Variants in CSMD2 observed in about 807,000 individuals in gnomAD.
The protein encoded by CSMD2 is CUB and Sushi multiple domains 2.
A neutral mutation model predicts 398.5 loss-of-function variants in CSMD2; 130 were observed. The observed-to-expected ratio is 0.33, with a 90% confidence interval of 0.28 to 0.38. The LOEUF is 0.38. Ranked by LOEUF, CSMD2 falls within the 10% of genes least tolerant of loss-of-function variation. The probability of loss-of-function intolerance (pLI) is 1.00; values close to 1 mark genes in which losing one functional copy is unlikely to be tolerated. For missense variants in CSMD2, 3,829 were observed against 4,764.9 expected (o/e 0.80, Z 5.78); for synonymous variants, 1,828 against 1,908.5 (o/e 0.96, Z 1.10).
chr1:34,146,978 C>T (rs547519963), intron 1 of CSMD2, among the ~76,000 whole-genome samples: 1 of 152,274 alleles, frequency 6.6e-6, no homozygotes, highest in East Asian at 1.9e-4. Flanking sequence ...AAGGATAAGG[C>T]CTGGCGCGGT....
chr1:33,695,098 C>T lies in CSMD2; in HGVS notation c.3926-2042G>A, dbSNP rs76272987. Among the ~76,000 whole-genome samples the T allele has an allele frequency of 5.9e-5, 9 of 152,102 alleles. No individual in the cohort carries two copies. The East Asian group carries it at 9.7e-4, about 16-fold the overall frequency. On this transcript the variant is annotated intron_variant, in intron 24 of 70. Transcript: ENST00000373381. ...AAGGAGAAGCAAGAGTTGACCAGGT[C>T]GGTTGGGTGGCAAGGGTAGGATGGG... is the stretch of plus-strand genomic sequence containing the variant.
chr1:34,097,393 A>C (rs1659444515), intron 1 of CSMD2, among the ~76,000 whole-genome samples: 1 of 112,062 alleles, frequency 8.9e-6, no homozygotes, highest in African/African-American at 3.6e-5. Flanking sequence ...AATGGCAACA[A>C]AAGACAAAAT....
At chr1:33,539,674 A>T (rs1045062635) in intron 60 of CSMD2, among the ~76,000 whole-genome samples, 1 of 152,056 alleles carries the variant, frequency 6.6e-6, no homozygotes, top group African/African-American at 2.4e-5. Context: ...AATGGGTAAA[A>T]TTTTTTTCAT....
intron 4 of CSMD2, among the ~76,000 whole-genome samples, chr1:33,919,809 G>T (rs1257839048): frequency 6.6e-6 from 1 of 151,426 alleles, no homozygotes; most frequent in Non-Finnish European, 1.5e-5. Context: ...CAGAATTTGT[G>T]TTAATATATT....
At chr1:33,948,117 T>C (rs1644894213) in intron 3 of CSMD2, among the ~76,000 whole-genome samples, 1 of 152,214 alleles carries the variant, frequency 6.6e-6, no homozygotes, top group Admixed American at 6.5e-5. Flanking sequence ...AGATGGTACT[T>C]GGTGAACATT....
chr1:33,985,175 T>G (rs1025639), intron 3 of CSMD2, among the ~76,000 whole-genome samples: 4,278 of 152,240 alleles, frequency 0.028, 168 homozygotes, highest in African/African-American at 0.085. Flanking sequence ...CCTGGAGGGA[T>G]GGAGCCCTGG....
intron 55 of CSMD2, among the ~76,000 whole-genome samples, chr1:33,554,351 G>A (rs553261251): frequency 1.1e-3 from 164 of 151,938 alleles, no homozygotes; most frequent in African/African-American, 3.5e-3. Context: ...ACACCACCAC[G>A]CCTGGCTAAT....
At chr1:34,042,199 A>G (rs1172790878) in intron 2 of CSMD2, among the ~76,000 whole-genome samples, 2 of 152,272 alleles carry the variant, frequency 1.3e-5, no homozygotes, top group African/African-American at 4.8e-5. Flanking sequence ...AGACAGGGAA[A>G]GACGGAAGAA....
intron 29 of CSMD2, among the ~76,000 whole-genome samples, chr1:33,645,829 A>T (rs1310919047): frequency 6.6e-6 from 1 of 152,256 alleles, no homozygotes; most frequent in East Asian, 1.9e-4. Flanking sequence ...ATGTTAAGTC[A>T]TAAACATGAA....
At position 34,006,117 on chromosome 1, in the gene CSMD2, TG is replaced by T. The variant is rs574297108; in HGVS notation, c.517+26476del. Among the ~76,000 whole-genome samples the T allele has an allele frequency of 1.6e-4, 25 of 152,310 alleles. No homozygotes were observed. In the South Asian group the frequency reaches 5.0e-3, roughly 30 times the overall value. On this transcript the variant is annotated intron_variant, in intron 3 of 70. Transcript: ENST00000373381. ...CCATATCCTTCTATCAGTATATACTTGGCCCTCTTAGAACTCCAGCCCATCT... is the reference window on the plus strand; with the variant it reads ...CCATATCCTTCTATCAGTATATACTTGCCCTCTTAGAACTCCAGCCCATCT...
intron 6 of CSMD2, among the ~76,000 whole-genome samples, chr1:33,845,371 C>A (rs150259605): frequency 6.6e-6 from 1 of 152,196 alleles, no homozygotes; most frequent in Non-Finnish European, 1.5e-5. Flanking sequence ...GTGCCTAGCA[C>A]GGGGCCTGGT....
intron 6 of CSMD2, among the ~76,000 whole-genome samples, chr1:33,833,453 C>T (rs1305788491): frequency 2.0e-5 from 3 of 150,588 alleles, no homozygotes; most frequent in East Asian, 2.0e-4. Flanking sequence ...ATTCAACAAC[C>T]CTTCATGCTA....
intron 6 of CSMD2, among the ~76,000 whole-genome samples, chr1:33,830,687 A>C (rs999579033): frequency 5.3e-5 from 8 of 152,272 alleles, no homozygotes; most frequent in Non-Finnish European, 1.0e-4. Flanking sequence ...TTGAGAGAAG[A>C]AGCCTTCAGA....
At chr1:33,643,386 C>T (rs982274058) in intron 29 of CSMD2, among the ~76,000 whole-genome samples, 2 of 152,176 alleles carry the variant, frequency 1.3e-5, no homozygotes, top group Admixed American at 6.5e-5. Flanking sequence ...GAACATGTAC[C>T]GTGTTCCCCT....
At chr1:33,617,712 G>A (rs969777176) in intron 37 of CSMD2, 95 bp from the exon 38 acceptor site, 1 of 864,148 alleles carries the variant, frequency 1.2e-6, no homozygotes, top group Non-Finnish European at 1.9e-6. Context: ...GCAGGGAGAA[G>A]GGGTGCTTCT....
At position 33,537,221 on chromosome 1, in the gene CSMD2, C is replaced by G. The variant is rs1264506914; in HGVS notation, c.9806-126G>C. On this transcript the variant is annotated intron_variant, in intron 61 of 70. Coordinates refer to ENST00000373381, the MANE Select transcript of CSMD2 (RefSeq NM_001281956.2). This position sits in a 1 kb window ranked among gnomAD's most constrained non-coding sequence, Gnocchi z 4.6. ...TCCTGACTTCCCTGCCCACTGAGAT[C>G]CCCACCTGAGCCTTGGCCCTGGCTG... is the stretch of plus-strand genomic sequence containing the variant. 1.2e-5 allele frequency: 14 copies of G among 1,165,808 alleles called. No homozygotes were observed. Among genetic ancestry groups the G allele is most frequent in the Non-Finnish European group, 1.6e-5 (13 of 795,022 alleles). 72.2% of individuals were successfully genotyped at this position (1,165,808 alleles called of 1,614,324 possible).
chr1:33,715,613 C>A (rs536154158), intron 20 of CSMD2, among the ~76,000 whole-genome samples: 2 of 152,268 alleles, frequency 1.3e-5, no homozygotes, highest in South Asian at 2.1e-4. Flanking sequence ...CTGGGCCACA[C>A]CCCAGTTCCT....
At chr1:33,558,010 C>T (rs1014060175) in intron 54 of CSMD2, 88 bp from the exon 55 acceptor site, 63 of 1,230,628 alleles carry the variant, frequency 5.1e-5, no homozygotes, top group South Asian at 3.9e-4. Context: ...CAGACCCTGT[C>T]GGGAGGGTGA....
At chr1:33,941,004 T>C (rs1431854300) in intron 3 of CSMD2, among the ~76,000 whole-genome samples, 2 of 152,084 alleles carry the variant, frequency 1.3e-5, no homozygotes, top group East Asian at 1.9e-4. Context: ...TTTTTTAGAA[T>C]GTCCGTGTAT....
Sources: allele counts gnomAD v4.1 joint callset (sites outside exome capture counted in the v4.1 genomes callset), GRCh38; gene constraint gnomAD v4.1.1; non-coding constraint Gnocchi (gnomAD v3.1); transcripts MANE v1.5; gene names NCBI Gene and HGNC (gene_info 2026-07-23, HGNC 2026-07-21).